CHCHD1: variants seen among roughly 807,000 people sequenced by gnomAD.
The protein encoded by CHCHD1 is small ribosomal subunit protein mS37.
Under a neutral mutation model 12.7 loss-of-function variants are expected in CHCHD1, and 12 were observed. The observed-to-expected ratio is 0.95, with a 90% CI of 0.61 to 1.53. CHCHD1 has a LOEUF of 1.53. CHCHD1 is among the 40% of genes most tolerant of loss of function. CHCHD1 has a pLI of 0.00. For missense variants in CHCHD1, 151 were observed against 155.8 expected, an observed-to-expected ratio of 0.97 and a Z score of 0.17; for synonymous variants, 57 against 62.4, an observed-to-expected ratio of 0.91 and a Z score of 0.41.
Position 73,782,457 on chromosome 10 carries a change from T to TG in CHCHD1, c.243+20dup. 2 of 1,614,036 alleles carry TG rather than the reference T, an allele frequency of 1.2e-6. No individual in the cohort carries two copies. Among genetic ancestry groups the TG allele is most frequent in the Non-Finnish European group, 1.7e-6 (2 of 1,179,942 alleles). ...GAGGGCTCAGGTGACCGATGGCTCC[T>TG]GGGGTGCTTTCTCAGGAAAAGAATG... On this transcript the variant is annotated intron_variant, in intron 2 of 2. Coordinates refer to ENST00000372833, the MANE Select transcript of CHCHD1 (RefSeq NM_203298.3).
chr10:73,782,577 T>A (rs2083108330), intron 2 of CHCHD1, 136 bp downstream of exon 2: 1 of 1,500,416 alleles, frequency 6.7e-7, no homozygotes, highest in Admixed American at 2.5e-5. Flanking sequence ...GTGGGAAAGG[T>A]TACAGTTTTG....
chr10:73,783,324 G>A lies in CHCHD1; in HGVS notation c.*137G>A, dbSNP rs901515531. On this transcript the variant is annotated 3_prime_UTR_variant, in exon 3 of 3. Coordinates refer to ENST00000372833, the MANE Select transcript of CHCHD1 (RefSeq NM_203298.3). ...ACTTTTTTCACCCTTTGGAATCATA[G>A]TATGGGTAGAAGTTATGATTTATCT... is the stretch of plus-strand genomic sequence containing the variant. The A allele has an allele frequency of 8.1e-6, 5 of 616,770 alleles. No homozygotes were observed. Among genetic ancestry groups the A allele is most frequent in the Middle Eastern group, 3.0e-4 (1 of 3,306 alleles). The allele number at this position is 616,770 out of a possible 1,614,324, so 38.2% of individuals were successfully genotyped here.
intron 1 of CHCHD1, 54 bp from the exon 2 acceptor site, chr10:73,782,269 G>A: frequency 1.9e-6 from 3 of 1,609,130 alleles, no homozygotes; most frequent in Non-Finnish European, 1.7e-6. Flanking sequence ...TGGGTAGGAG[G>A]GCAGGAAGGT....
At position 73,783,222 on chromosome 10, in the gene CHCHD1, C is replaced by A; in HGVS notation, c.*35C>A. ...AGTATTTTCAATGACTGAAATATAG[C>A]TTCTGACAACTATGCAGAGGCATTT... On this transcript the variant is annotated 3_prime_UTR_variant, in exon 3 of 3. Transcript: ENST00000372833. 1 of 1,497,392 alleles carries A rather than the reference C, an allele frequency of 6.7e-7. No individual in the cohort carries two copies. Among genetic ancestry groups the A allele is most frequent in the Non-Finnish European group, 9.3e-7 (1 of 1,076,194 alleles). The allele number at this position is 1,497,392 out of a possible 1,614,324, so 92.8% of individuals were successfully genotyped here.
chr10:73,783,192 G>T lies in CHCHD1; in HGVS notation c.*5G>T, dbSNP rs759481848. ...AACAAACCTTACCTCAGCTGAAAAT[G>T]GACAAGTATTTTCAATGACTGAAAT... On this transcript the variant is annotated 3_prime_UTR_variant, in exon 3 of 3. Coordinates refer to ENST00000372833, the MANE Select transcript of CHCHD1 (RefSeq NM_203298.3). The T allele has an allele frequency of 6.3e-7, 1 of 1,589,658 alleles. No individual in the cohort carries two copies. Among genetic ancestry groups the T allele is most frequent in the Non-Finnish European group, 8.6e-7 (1 of 1,158,808 alleles).
intron 2 of CHCHD1, 62 bp downstream of exon 2, chr10:73,782,503 T>C (rs1336764421): frequency 3.7e-6 from 6 of 1,602,614 alleles, no homozygotes; most frequent in Admixed American, 1.7e-5. Flanking sequence ...AAGTAATGAT[T>C]CTCCCTGCCT....
intron 2 of CHCHD1, 146 bp from the exon 3 acceptor site, chr10:73,782,928 C>T: frequency 2.8e-6 from 2 of 702,784 alleles, no homozygotes; most frequent in Admixed American, 2.7e-5. Flanking sequence ...TGGTTAACAT[C>T]TTCATGTGCT....
Position 73,783,330 on chromosome 10 carries a change from G to A in CHCHD1, c.*143G>A, listed in dbSNP as rs543363440. On this transcript the variant is annotated 3_prime_UTR_variant, in exon 3 of 3. Coordinates refer to ENST00000372833, the MANE Select transcript of CHCHD1 (RefSeq NM_203298.3). ...TTCACCCTTTGGAATCATAGTATGG[G>A]TAGAAGTTATGATTTATCTTGAAAT... The A allele has an allele frequency of 3.6e-5, 22 of 606,064 alleles. No homozygotes were observed. The highest frequency in any genetic ancestry group is 9.1e-5 in the Admixed American group (3 of 32,998). 37.5% of individuals were successfully genotyped at this position (606,064 alleles called of 1,614,324 possible). A position where few individuals can be genotyped will look rare whatever the true frequency, so the allele number is the denominator to read the frequency against.
At position 73,783,312 on chromosome 10, in the gene CHCHD1, T is replaced by C; in HGVS notation, c.*125T>C. 3 of 639,092 alleles carry C rather than the reference T, an allele frequency of 4.7e-6. No individual in the cohort carries two copies. Among genetic ancestry groups the C allele is most frequent in the Non-Finnish European group, 5.4e-6 (2 of 367,530 alleles). The allele number at this position is 639,092 out of a possible 1,614,324, so 39.6% of individuals were successfully genotyped here. A position where few individuals can be genotyped will look rare whatever the true frequency, so the allele number is the denominator to read the frequency against. On this transcript the variant is annotated 3_prime_UTR_variant, in exon 3 of 3. Transcript: ENST00000372833. ...AAGAGGCAAAACACTTTTTTCACCC[T>C]TTGGAATCATAGTATGGGTAGAAGT...
rs139732935 is a variant in CHCHD1 at position 73,782,405 on chromosome 10, G to A, written c.207G>A (p.Glu69=). ...TCCGCGACGATGCGTGCAGAAAAGAGATCCAGGGCTTCCTCGATTGTGCCG... is the reference window on the plus strand; with the variant it reads ...TCCGCGACGATGCGTGCAGAAAAGAAATCCAGGGCTTCCTCGATTGTGCCG... The part of the protein sequence containing the change: ...NEFRDDACRK[E]IQGFLDCAAR... Residue 69 remains glutamate (E), a synonymous_variant, in exon 2 of 3, where the codon GAG becomes GAA. Transcript: ENST00000372833. 11 of 1,614,120 alleles carry A rather than the reference G, an allele frequency of 6.8e-6. No homozygotes were observed. The highest frequency in any genetic ancestry group is 9.3e-6 in the Non-Finnish European group (11 of 1,180,048).
At position 73,783,211 on chromosome 10, in the gene CHCHD1, CTG is replaced by C; in HGVS notation, c.*25_*26del. 6.5e-7 allele frequency: 1 copy of C among 1,538,378 alleles called. No individual in the cohort carries two copies. Among genetic ancestry groups the C allele is most frequent in the Non-Finnish European group, 9.0e-7 (1 of 1,112,372 alleles). ...GAAAATGGACAAGTATTTTCAATGACTGAAATATAGCTTCTGACAACTATGCA... is the reference window on the plus strand; with the variant it reads ...GAAAATGGACAAGTATTTTCAATGACAAATATAGCTTCTGACAACTATGCA... On this transcript the variant is annotated 3_prime_UTR_variant, in exon 3 of 3. Coordinates refer to ENST00000372833, the MANE Select transcript of CHCHD1 (RefSeq NM_203298.3).
In CHCHD1 at chr10:73,782,429, C is replaced by G. The variant is rs752379159; in HGVS notation, c.231C>G (p.Ala77=). 3.7e-6 allele frequency: 6 copies of G among 1,614,146 alleles called. No individual in the cohort carries two copies. The South Asian group carries it at 5.5e-5, about 15-fold the overall frequency. ...RKEIQGFLDC[A]ARAQEARKMR... Reference sequence around the variant, plus strand: ...AGATCCAGGGCTTCCTCGATTGTGCCGCGAGGGCTCAGGTGACCGATGGCT... The same window carrying G: ...AGATCCAGGGCTTCCTCGATTGTGCGGCGAGGGCTCAGGTGACCGATGGCT... Residue 77 remains alanine (A), a synonymous_variant, in exon 2 of 3, where the codon GCC becomes GCG. Transcript: ENST00000372833.
chr10:73,782,099 T>A lies in CHCHD1; in HGVS notation c.24T>A (p.Gly8=). 6.2e-7 allele frequency: 1 copy of A among 1,612,874 alleles called. No homozygotes were observed. The highest frequency in any genetic ancestry group is 1.1e-5 in the South Asian group (1 of 91,048). The change falls in exon 1 of 3, where the codon GGT becomes GGA. Residue 8 remains glycine, a synonymous_variant. Coordinates refer to ENST00000372833, the MANE Select transcript of CHCHD1 (RefSeq NM_203298.3). The stretch of plus-strand genomic sequence containing the variant: ...CTATGGCGACACCCAGCCTGCGGGG[T>A]CGTCTGGCGCGGTTTGGGAACCCGC... MATPSLR[G]RLARFGNPRK... is the part of the protein sequence containing the mutation.
At position 73,782,550 on chromosome 10, in the gene CHCHD1, A is replaced by G. The variant is rs116658901; in HGVS notation, c.243+109A>G. 3,309 of 1,554,962 alleles carry G rather than the reference A, an allele frequency of 2.1e-3. 48 individuals are homozygous for G. In the African/African-American group the frequency reaches 0.035, roughly 17 times the overall value. ...AGGCCCTTTCATTCATTTGGGAGGT[A>G]TATTATTCACGCCAAAGTGGGAAAG... On this transcript the variant is annotated intron_variant, in intron 2 of 2. Transcript: ENST00000372833.
chr10:73,782,304 C>G lies in CHCHD1; in HGVS notation c.125-19C>G. The G allele has an allele frequency of 6.2e-7, 1 of 1,611,452 alleles. No individual in the cohort carries two copies. Among genetic ancestry groups the G allele is most frequent in the Non-Finnish European group, 8.5e-7 (1 of 1,178,106 alleles). On this transcript the variant is annotated intron_variant, in intron 1 of 2. Coordinates refer to ENST00000372833, the MANE Select transcript of CHCHD1 (RefSeq NM_203298.3). ...TGGGTCTTCTTGTGACTGAAGGTCC[C>G]CCGGATCTGCCCCTCCAGAGGCGAC...
In CHCHD1 at chr10:73,783,507, C is replaced by A. The variant is rs183017234; in HGVS notation, c.*320C>A. 47 of 215,976 alleles carry A rather than the reference C, an allele frequency of 2.2e-4. No individual in the cohort carries two copies. In the East Asian group the frequency reaches 5.1e-3, roughly 23 times the overall value. The allele number at this position is 215,976 out of a possible 1,614,324, so 13.4% of individuals were successfully genotyped here. A position where few individuals can be genotyped will look rare whatever the true frequency, so the allele number is the denominator to read the frequency against. ...TATTGTCTTTCCCTGCATTTGAAGT[C>A]TTTTACACCATTTAGTGCCCTTGCT... On this transcript the variant is annotated 3_prime_UTR_variant, in exon 3 of 3. Transcript: ENST00000372833.
chr10:73,783,126 T>A lies in CHCHD1; in HGVS notation c.296T>A (p.Leu99Ter). ...GAAACCCTGGGAGAGTCTGGGAGTT[T>A]ACTTCCAAATAAATTGAATAAGTTG... ...IQETLGESGS[L>*]LPNKLNKLLQ... Residue 99 changes from leucine (L) to a stop codon, truncating the protein, a stop_gained, in exon 3 of 3, where the codon TTA becomes TAA. Coordinates refer to ENST00000372833, the MANE Select transcript of CHCHD1 (RefSeq NM_203298.3). LOFTEE classifies it high-confidence loss of function. 1 of 1,614,126 alleles carries A rather than the reference T, an allele frequency of 6.2e-7. No homozygotes were observed. Among genetic ancestry groups the A allele is most frequent in the Non-Finnish European group, 8.5e-7 (1 of 1,180,000 alleles).
chr10:73,782,446 C>T lies in CHCHD1; in HGVS notation c.243+5C>T, dbSNP rs528876975. ...GATTGTGCCGCGAGGGCTCAGGTGA[C>T]CGATGGCTCCTGGGGTGCTTTCTCA... On this transcript the variant is annotated splice_donor_5th_base_variant and intron_variant, in intron 2 of 2. Transcript: ENST00000372833. 1.9e-6 allele frequency: 3 copies of T among 1,614,038 alleles called. No homozygotes were observed. The highest frequency in any genetic ancestry group is 1.1e-5 in the South Asian group (1 of 91,088).
At chr10:73,782,775 G>A (rs755322214) in intron 2 of CHCHD1, 16 of 585,074 alleles carry the variant, frequency 2.7e-5, no homozygotes, top group Non-Finnish European at 4.2e-5. Flanking sequence ...TAGAACTAAA[G>A]AGACTAAAAC....
Sources: gnomAD v4.1 joint callset for allele counts on GRCh38, gnomAD v4.1.1 for gene constraint, MANE v1.5 for transcripts, NCBI Gene and HGNC (gene_info 2026-07-23, HGNC 2026-07-21) for gene names.